BATF: variants seen among roughly 807,000 people sequenced by gnomAD.
The protein encoded by BATF is basic leucine zipper ATF-like transcription factor.
A neutral mutation model predicts 13.7 loss-of-function variants in BATF; 5 were observed. The observed-to-expected ratio is 0.36, with a 90% CI of 0.19 to 0.77. The LOEUF (loss-of-function observed/expected upper bound fraction) is 0.77. Among genes scored for constraint, BATF ranks in the 30% least tolerant of loss-of-function variants. The pLI is 0.51. For missense variants in BATF, 124 were observed against 163.0 expected (o/e 0.76, Z 1.30); for synonymous variants, 72 against 67.5 (o/e 1.07, Z -0.33).
At chr14:75,532,467 G>T (rs562534196) in intron 2 of BATF, among the ~76,000 whole-genome samples, 56 of 152,220 alleles carry the variant, frequency 3.7e-4, no homozygotes, top group African/African-American at 1.3e-3. Context: ...TATATAGATA[G>T]ATACAATTGG....
Position 75,546,918 on chromosome 14 carries a change from G to A in BATF, c.*247G>A. ...CCCAATGCAGAAGAGTATTAAGAAAGATGCTCAAGTCCCATGGCACAGAGC... is the reference window on the plus strand; with the variant it reads ...CCCAATGCAGAAGAGTATTAAGAAAAATGCTCAAGTCCCATGGCACAGAGC... On this transcript the variant is annotated 3_prime_UTR_variant, in exon 3 of 3. Transcript: ENST00000286639. 1.4e-6 allele frequency: 1 copy of A among 707,114 alleles called. No individual in the cohort carries two copies. Among genetic ancestry groups the A allele is most frequent in the Non-Finnish European group, 2.6e-6 (1 of 389,170 alleles). The allele number at this position is 707,114 out of a possible 1,614,324, so 43.8% of individuals were successfully genotyped here. A position where few individuals can be genotyped will look rare whatever the true frequency, so the allele number is the denominator to read the frequency against.
rs1207301684 is a variant in BATF at position 75,546,883 on chromosome 14, G to A, written c.*212G>A. ...GGCGTGTGCTGGACCCCACCACTGTGGGTTGCAGGCCCAATGCAGAAGAGT... is the reference window on the plus strand; with the variant it reads ...GGCGTGTGCTGGACCCCACCACTGTAGGTTGCAGGCCCAATGCAGAAGAGT... On this transcript the variant is annotated 3_prime_UTR_variant, in exon 3 of 3. Transcript: ENST00000286639. 6.8e-6 allele frequency: 5 copies of A among 738,248 alleles called. No homozygotes were observed. The highest frequency in any genetic ancestry group is 9.6e-6 in the Non-Finnish European group (4 of 417,822). 45.7% of individuals were successfully genotyped at this position (738,248 alleles called of 1,614,324 possible).
chr14:75,536,019 A>T (rs1887811044), intron 2 of BATF, among the ~76,000 whole-genome samples: 1 of 152,234 alleles, frequency 6.6e-6, no homozygotes, highest in African/African-American at 2.4e-5. Context: ...TACTCAACAA[A>T]TATTTATCAG....
intron 2 of BATF, among the ~76,000 whole-genome samples, chr14:75,534,969 C>G (rs1199771098): frequency 6.6e-6 from 1 of 152,150 alleles, no homozygotes; most frequent in Non-Finnish European, 1.5e-5. Flanking sequence ...CATTAGAAGA[C>G]CACTTTAAGT....
Position 75,525,173 on chromosome 14 carries a change from C to G in BATF, c.153C>G (p.Ala51=). The G allele has an allele frequency of 6.2e-7, 1 of 1,613,798 alleles. No homozygotes were observed. Among genetic ancestry groups the G allele is most frequent in the Non-Finnish European group, 8.5e-7 (1 of 1,179,900 alleles). Residue 51 remains alanine (A), a synonymous_variant, in exon 2 of 3, where the codon GCC becomes GCG. Transcript: ENST00000286639. ...QKSRQRQTQK[A]DTLHLESEDL... ...GCCGACAGAGGCAGACACAGAAGGC[C>G]GACACCCTGCACCTGGTAAGTGTTC... is the stretch of plus-strand genomic sequence containing the variant.
chr14:75,540,845 G>A (rs2140041610), intron 2 of BATF, among the ~76,000 whole-genome samples: 1 of 152,306 alleles, frequency 6.6e-6, no homozygotes, highest in Non-Finnish European at 1.5e-5. Context: ...CAGAACTTTG[G>A]GAGGCTGAGG....
intron 2 of BATF, among the ~76,000 whole-genome samples, chr14:75,530,953 T>A (rs1403240149): frequency 3.3e-5 from 5 of 152,240 alleles, no homozygotes; most frequent in Non-Finnish European, 7.3e-5. Flanking sequence ...AAGAGGGAGA[T>A]ACTTGGCATT....
rs149310170 is a variant in BATF, at chr14:75,537,498, C to T, written c.169-8964C>T. On this transcript the variant is annotated intron_variant, in intron 2 of 2. Transcript: ENST00000286639. ...ACACTTACTCTATGGCAGGCACTGTCCTTGTCACTGAGAACAAAACAGTGA... is the reference window on the plus strand; with the variant it reads ...ACACTTACTCTATGGCAGGCACTGTTCTTGTCACTGAGAACAAAACAGTGA... Among the ~76,000 whole-genome samples, 1,491 of 152,296 alleles carry T rather than the reference C, an allele frequency of 9.8e-3. 14 individuals carry two copies. Among genetic ancestry groups the T allele is most frequent in the Middle Eastern group, 0.027 (8 of 294 alleles).
At chr14:75,540,796 A>T (rs1328206675) in intron 2 of BATF, among the ~76,000 whole-genome samples, 1 of 152,224 alleles carries the variant, frequency 6.6e-6, no homozygotes, top group African/African-American at 2.4e-5. Flanking sequence ...AATAAATGTT[A>T]GTTATTGGCC....
intron 2 of BATF, among the ~76,000 whole-genome samples, chr14:75,540,051 T>C (rs1393048736): frequency 6.6e-6 from 1 of 152,150 alleles, no homozygotes; most frequent in Non-Finnish European, 1.5e-5. Flanking sequence ...CATGTCCTGT[T>C]GAGGAGAAAA....
intron 1 of BATF, 114 bp downstream of exon 1, chr14:75,522,859 A>G: frequency 7.8e-7 from 1 of 1,277,650 alleles, no homozygotes; most frequent in Non-Finnish European, 1.1e-6. Context: ...GGCTCGTTGC[A>G]CGGGCACTCT....
chr14:75,533,271 G>A (rs1219031759), intron 2 of BATF, among the ~76,000 whole-genome samples: 1 of 151,730 alleles, frequency 6.6e-6, no homozygotes, highest in African/African-American at 2.4e-5. Flanking sequence ...TACTAAAAAT[G>A]CAAAAAATTA....
intron 2 of BATF, among the ~76,000 whole-genome samples, chr14:75,545,850 T>G (rs80262310): frequency 0.013 from 1,915 of 152,012 alleles, 53 homozygotes; most frequent in African/African-American, 0.044. Context: ...GGTTGAACCA[T>G]ATGAAATTGC....
chr14:75,536,124 G>C (rs889282613), intron 2 of BATF, among the ~76,000 whole-genome samples: 1 of 152,172 alleles, frequency 6.6e-6, no homozygotes. Context: ...TGGAAGTCAG[G>C]CTGGAAAACA....
intron 2 of BATF, among the ~76,000 whole-genome samples, chr14:75,535,451 G>C (rs1203905847): frequency 6.6e-6 from 1 of 152,054 alleles, no homozygotes; most frequent in Non-Finnish European, 1.5e-5. Context: ...AATGAAAACA[G>C]CTGTATTAAG....
chr14:75,533,081 T>A (rs1230177618), intron 2 of BATF, among the ~76,000 whole-genome samples: 7 of 152,198 alleles, frequency 4.6e-5, no homozygotes, highest in African/African-American at 1.7e-4. Context: ...CACCCCTAAC[T>A]GCTTGTCTTA....
intron 2 of BATF, among the ~76,000 whole-genome samples, chr14:75,529,733 A>G (rs1284531241): frequency 6.6e-6 from 1 of 152,180 alleles, no homozygotes; most frequent in African/African-American, 2.4e-5. Context: ...TATATGAGAG[A>G]GCTCTTATGA....
In BATF at chr14:75,532,842, C is replaced by T. The variant is rs571633577; in HGVS notation, c.168+7654C>T. On this transcript the variant is annotated intron_variant, in intron 2 of 2. Transcript: ENST00000286639. ...GAGCATGCAGAGTATAACCCTTTCA[C>T]GTAAAATTTGTGGGTTTTGGGCATG... 5.9e-5 allele frequency among the ~76,000 whole-genome samples: 9 copies of T among 152,228 alleles called. No homozygotes were observed. The South Asian group carries it at 1.9e-3, about 32-fold the overall frequency.
At chr14:75,537,870 G>A (rs532298754) in intron 2 of BATF, among the ~76,000 whole-genome samples, 280 of 151,852 alleles carry the variant, frequency 1.8e-3, no homozygotes, top group African/African-American at 6.3e-3. Flanking sequence ...TAGTTTCAGG[G>A]GCTTGGCCTT....
Sources: gnomAD v4.1 joint callset for allele counts (sites outside exome capture counted in the v4.1 genomes callset) on GRCh38, gnomAD v4.1.1 for gene constraint, MANE v1.5 for transcripts, NCBI Gene and HGNC (gene_info 2026-07-23, HGNC 2026-07-21) for gene names.